The following MAMLD1 variants were observed in gnomAD, a reference collection of about 807,000 sequenced individuals.
MAMLD1 encodes the protein mastermind like domain containing 1.
Under a neutral mutation model 45.0 loss-of-function variants are expected in MAMLD1, and 14 were observed. That is an observed-to-expected ratio of 0.31 (90% CI 0.21 to 0.49). MAMLD1 has a LOEUF of 0.49. MAMLD1 is among the 20% of genes least tolerant of loss of function. MAMLD1 has a pLI of 0.99. For synonymous variants in MAMLD1, 254 were observed against 247.8 expected (o/e 1.02, Z -0.24); for missense variants, 543 against 603.6 (o/e 0.90, Z 1.05).
At chrX:150,438,600 A>G (rs1286171210) in intron 1 of MAMLD1, among the ~76,000 whole-genome samples, 2 of 112,161 alleles carry the variant, frequency 1.8e-5, no homozygotes, top group Admixed American at 1.9e-4. Flanking sequence ...TGAAGATGGA[A>G]TCATACAGTA....
intron 5 of MAMLD1, among the ~76,000 whole-genome samples, chrX:150,500,344 G>A (rs782317282): frequency 5.4e-5 from 6 of 111,729 alleles, no homozygotes; most frequent in African/African-American, 2.0e-4. Flanking sequence ...AGATTGGTAT[G>A]ACTGGGGGTA....
At position 150,512,856 on chromosome X, in the gene MAMLD1, G is replaced by T. The variant is rs782511956; in HGVS notation, c.*897G>T. The T allele has an allele frequency of 1.5e-5, 17 of 1,155,509 alleles. No homozygotes were observed. The East Asian group carries it at 5.5e-4, about 38-fold the overall frequency. On this transcript the variant is annotated 3_prime_UTR_variant, in exon 8 of 8. Coordinates refer to ENST00000370401, the MANE Select transcript of MAMLD1 (RefSeq NM_005491.5). The stretch of plus-strand genomic sequence containing the variant: ...GAGCTGCCACCTGCCGACTTTTTGC[G>T]CCAGCCCCAACCCCCACTAAATGAT...
intron 1 of MAMLD1, among the ~76,000 whole-genome samples, chrX:150,420,399 T>C (rs2034448698): frequency 9.3e-6 from 1 of 106,964 alleles, no homozygotes; most frequent in South Asian, 4.3e-4. Flanking sequence ...CTCCCATAGC[T>C]CAGAGTAATT....
intron 1 of MAMLD1, among the ~76,000 whole-genome samples, chrX:150,397,892 C>T (rs140354018): frequency 0.029 from 3,239 of 111,201 alleles, 44 homozygotes; most frequent in East Asian, 0.088. Flanking sequence ...CACTATTCAA[C>T]ATCCCCATTA....
chrX:150,386,125 C>T (rs999257790), intron 1 of MAMLD1, among the ~76,000 whole-genome samples: 1 of 109,620 alleles, frequency 9.1e-6, no homozygotes, highest in Non-Finnish European at 1.9e-5. Context: ...TTGCCATATC[C>T]ACAACCTCTT....
Position 150,434,855 on chromosome X carries a change from C to T in MAMLD1, c.-63-10599C>T, listed in dbSNP as rs57307711. On this transcript the variant is annotated intron_variant, in intron 1 of 7. Coordinates refer to ENST00000370401, the MANE Select transcript of MAMLD1 (RefSeq NM_005491.5). The stretch of plus-strand genomic sequence containing the variant: ...TGTGTGGTGGATTTTAGAGTATGTG[C>T]CATTTGCAGATGAGAGGAATGTATA... Among the ~76,000 whole-genome samples the T allele has an allele frequency of 9.5e-3, 1,058 of 111,411 alleles. 11 individuals carry two copies. Among genetic ancestry groups the T allele is most frequent in the African/African-American group, 0.033 (1,014 of 30,593 alleles).
intron 1 of MAMLD1, among the ~76,000 whole-genome samples, chrX:150,393,830 G>C (rs1306542605): frequency 9.0e-6 from 1 of 111,119 alleles, no homozygotes; most frequent in African/African-American, 3.3e-5. Context: ...TGTCTATTTT[G>C]GACAGCAGTC....
At chrX:150,386,720 T>G (rs1444527965) in intron 1 of MAMLD1, among the ~76,000 whole-genome samples, 3 of 111,258 alleles carry the variant, frequency 2.7e-5, no homozygotes, top group Non-Finnish European at 5.7e-5. Flanking sequence ...TGGACTGCCT[T>G]TGCCCGAAAT....
At chrX:150,417,122 C>T (rs782388086) in intron 1 of MAMLD1, among the ~76,000 whole-genome samples, 7 of 110,860 alleles carry the variant, frequency 6.3e-5, no homozygotes, top group African/African-American at 2.3e-4. Flanking sequence ...AACTCGTCAT[C>T]TAGCATGAGG....
At chrX:150,388,383 A>G (rs1043292182) in intron 1 of MAMLD1, among the ~76,000 whole-genome samples, 22 of 111,855 alleles carry the variant, frequency 2.0e-4, no homozygotes, top group African/African-American at 6.2e-4. Flanking sequence ...GGAAGTAAGT[A>G]TTCCCTGCTC....
intron 5 of MAMLD1, among the ~76,000 whole-genome samples, chrX:150,490,080 C>A (rs977610368): frequency 2.7e-5 from 3 of 111,733 alleles, no homozygotes; most frequent in Non-Finnish European, 5.6e-5. Context: ...ACAGCCCAGG[C>A]CAAGTGCAGC....
intron 1 of MAMLD1, among the ~76,000 whole-genome samples, chrX:150,378,934 C>T (rs1182634203): frequency 1.8e-5 from 2 of 111,399 alleles, no homozygotes; most frequent in African/African-American, 6.5e-5. Context: ...CCCATGGAAT[C>T]TTAACTTCTT....
chrX:150,431,941 T>G (rs1424486076), intron 1 of MAMLD1, among the ~76,000 whole-genome samples: 1 of 111,770 alleles, frequency 8.9e-6, no homozygotes, highest in Non-Finnish European at 1.9e-5. Flanking sequence ...TACATGATAA[T>G]GGGATGGCTG....
At chrX:150,403,969 A>AAAGAAAGAAAGAAAGAAAGAAAGG (rs2033916566) in intron 1 of MAMLD1, among the ~76,000 whole-genome samples, 3 of 80,089 alleles carry the variant, frequency 3.7e-5, no homozygotes, top group African/African-American at 1.6e-4. Context: ...AGAAAGAAAG[A>AAAGAAAGAAAGAAAGAAAGAAAGG]AAGAAAGAAA....
intron 2 of MAMLD1, among the ~76,000 whole-genome samples, chrX:150,448,499 C>G (rs2035561719): frequency 8.9e-6 from 1 of 112,316 alleles, no homozygotes; most frequent in Non-Finnish European, 1.9e-5. Context: ...AGGCAGGGGC[C>G]ATCACCATAA....
intron 1 of MAMLD1, among the ~76,000 whole-genome samples, chrX:150,363,829 G>A (rs2031167655): frequency 8.9e-6 from 1 of 112,552 alleles, no homozygotes. Flanking sequence ...GGGAGGAAAG[G>A]TAGAAGGGCG....
chrX:150,455,865 T>C (rs2035847640), intron 2 of MAMLD1, among the ~76,000 whole-genome samples: 1 of 108,606 alleles, frequency 9.2e-6, no homozygotes, highest in African/African-American at 3.4e-5. Context: ...CCAGTCAGTG[T>C]ACCCTGGCAC....
intron 5 of MAMLD1, among the ~76,000 whole-genome samples, chrX:150,480,888 AG>A (rs1325419991): frequency 8.9e-6 from 1 of 112,282 alleles, no homozygotes; most frequent in Non-Finnish European, 1.9e-5. Context: ...TGCTTGTGGG[AG>A]CTTTCAGTTT....
At chrX:150,425,459 C>T (rs2034671483) in intron 1 of MAMLD1, among the ~76,000 whole-genome samples, 1 of 112,345 alleles carries the variant, frequency 8.9e-6, no homozygotes, top group Non-Finnish European at 1.9e-5. Context: ...TAATTATATG[C>T]CTCACAGCTC....
Sources: gnomAD v4.1 joint callset for allele counts (sites outside exome capture counted in the v4.1 genomes callset) on GRCh38, gnomAD v4.1.1 for gene constraint, MANE v1.5 for transcripts, NCBI Gene and HGNC (gene_info 2026-07-23, HGNC 2026-07-21) for gene names.